The following EIPR1 variants were observed in gnomAD, a reference collection of about 807,000 sequenced individuals.
The protein encoded by EIPR1 is EARP and GARP complex-interacting protein 1.
A neutral mutation model predicts 48.1 loss-of-function variants in EIPR1; 25 were observed. That is an observed-to-expected ratio of 0.52 (90% confidence interval 0.38 to 0.73). The LOEUF is 0.73. Ranked by LOEUF, EIPR1 falls within the 30% of genes least tolerant of loss-of-function variation. EIPR1 has a pLI of 0.00. For missense variants in EIPR1, 415 were observed against 506.2 expected (o/e 0.82, Z 1.73); for synonymous variants, 204 against 201.9 (o/e 1.01, Z -0.09).
At chr2:3,253,504 G>A (rs1667064737) in intron 4 of EIPR1, among the ~76,000 whole-genome samples, 1 of 152,304 alleles carries the variant, frequency 6.6e-6, no homozygotes, top group East Asian at 1.9e-4. Flanking sequence ...GCTGAGCAAC[G>A]TCATCGCCGT....
Position 3,189,087 on chromosome 2 carries a change from T to C in EIPR1, c.*247A>G, listed in dbSNP as rs116175717. On this transcript the variant is annotated 3_prime_UTR_variant, in exon 9 of 9. Coordinates refer to ENST00000382125, the MANE Select transcript of EIPR1 (RefSeq NM_003310.5). The surrounding 1 kb of genome is among the most constrained non-coding windows in gnomAD (Gnocchi z 4.6). ...CCTGACACCCTTAAAACAGAAAACA[T>C]TGTTATTCACATAATAATGTGGGGC... The C allele has an allele frequency of 7.2e-5, 27 of 376,886 alleles. No individual in the cohort carries two copies. The highest frequency in any genetic ancestry group is 4.3e-4 in the African/African-American group (21 of 48,654). 23.3% of individuals were successfully genotyped at this position (376,886 alleles called of 1,614,324 possible).
chr2:3,323,632 A>G (rs1480953843), intron 3 of EIPR1, among the ~76,000 whole-genome samples: 1 of 152,180 alleles, frequency 6.6e-6, no homozygotes, highest in Non-Finnish European at 1.5e-5. Flanking sequence ...GAGTGCCTTT[A>G]AAGTCCCTTA....
chr2:3,304,287 G>A (rs1558285653), intron 3 of EIPR1, among the ~76,000 whole-genome samples: 1 of 152,182 alleles, frequency 6.6e-6, no homozygotes, highest in Admixed American at 6.5e-5. Context: ...AAAGTGTCCA[G>A]GGTTCCCAGC....
chr2:3,267,556 GC>G (rs1667528885), intron 3 of EIPR1, among the ~76,000 whole-genome samples: 1 of 152,228 alleles, frequency 6.6e-6, no homozygotes, highest in Admixed American at 6.5e-5. Context: ...AAGAATGCAG[GC>G]CCTGGCTTCT....
chr2:3,262,104 A>ATG (rs1667351282), intron 3 of EIPR1: 1 of 152,174 alleles, frequency 6.6e-6, no homozygotes, highest in Non-Finnish European at 1.5e-5. Context: ...CAGGCACATG[A>ATG]TGTGTGTACA....
At chr2:3,273,878 A>G (rs539397717) in intron 3 of EIPR1, among the ~76,000 whole-genome samples, 1 of 152,342 alleles carries the variant, frequency 6.6e-6, no homozygotes, top group Non-Finnish European at 1.5e-5. Flanking sequence ...GAGCATTCCA[A>G]TGACTTCAGA....
At chr2:3,310,320 G>T (rs1187554927) in intron 3 of EIPR1, among the ~76,000 whole-genome samples, 4 of 152,108 alleles carry the variant, frequency 2.6e-5, no homozygotes, top group Admixed American at 2.0e-4. Context: ...TTTTCTTAGG[G>T]AGAGAAGAAA....
intron 4 of EIPR1, among the ~76,000 whole-genome samples, chr2:3,245,164 T>C (rs141846785): frequency 8.4e-5 from 12 of 142,988 alleles, no homozygotes; most frequent in African/African-American, 2.6e-4. Flanking sequence ...TTTTATTTTA[T>C]TTATTTTACT....
Position 3,189,265 on chromosome 2 carries a change from C to T in EIPR1, c.*69G>A. The stretch of plus-strand genomic sequence containing the variant: ...TGGAACACGAGTCACCTCCAAAGAG[C>T]TGCGACTGTTTGAGAATCTGCCAAG... On this transcript the variant is annotated 3_prime_UTR_variant, in exon 9 of 9. Transcript: ENST00000382125. The surrounding 1 kb of genome is among the most constrained non-coding windows in gnomAD (Gnocchi z 4.6). 7.0e-7 allele frequency: 1 copy of T among 1,423,276 alleles called. No homozygotes were observed. The highest frequency in any genetic ancestry group is 9.4e-7 in the Non-Finnish European group (1 of 1,068,084). The allele number at this position is 1,423,276 out of a possible 1,614,324, so 88.2% of individuals were successfully genotyped here. A position where few individuals can be genotyped will look rare whatever the true frequency, so the allele number is the denominator to read the frequency against.
intron 4 of EIPR1, among the ~76,000 whole-genome samples, chr2:3,237,994 A>T (rs1013162192): frequency 6.6e-6 from 1 of 152,118 alleles, no homozygotes; most frequent in Non-Finnish European, 1.5e-5. Flanking sequence ...AAACCTTCCA[A>T]ATGTGCAAAC....
At chr2:3,275,277 A>G (rs893479080) in intron 3 of EIPR1, among the ~76,000 whole-genome samples, 4 of 150,086 alleles carry the variant, frequency 2.7e-5, no homozygotes, top group African/African-American at 1.0e-4. Flanking sequence ...AATAGATCTG[A>G]GCAAAAGCAG....
chr2:3,337,116 AAAGGGAAAAGGGAAGGGAACAGGGAAGGG>A (rs370098415), intron 3 of EIPR1, among the ~76,000 whole-genome samples: 2 of 144,078 alleles, frequency 1.4e-5, no homozygotes, highest in African/African-American at 5.1e-5. Context: ...AGAGATGGGA[AAAGGGAAAAGGGAAGGGAACAGGGAAGGG>A]AAGGGAAAAG....
At chr2:3,234,699 G>A (rs777186786) in intron 4 of EIPR1, among the ~76,000 whole-genome samples, 5 of 152,248 alleles carry the variant, frequency 3.3e-5, no homozygotes, top group Admixed American at 1.3e-4. Flanking sequence ...AATTACAAGC[G>A]GCAGCATTCA....
Position 3,338,041 on chromosome 2 carries a change from C to T in EIPR1, c.235G>A (p.Val79Met), listed in dbSNP as rs759289577. The T allele has an allele frequency of 1.2e-6, 2 of 1,605,750 alleles. No individual in the cohort carries two copies. The highest frequency in any genetic ancestry group is 1.3e-5 in the African/African-American group (1 of 74,410). Residue 79 changes from valine (V) to methionine (M), a missense_variant, in exon 3 of 9, where the codon GTG becomes ATG. Coordinates refer to ENST00000382125, the MANE Select transcript of EIPR1 (RefSeq NM_003310.5). ...HISASPADRG[V>M]LTTCYNRTSD... ...CTTCTGTTGTAGCAGGTCGTCAGCA[C>T]ACCTCTGTCTGCAGGGCTAGCGCTA... is the stretch of plus-strand genomic sequence containing the variant.
chr2:3,354,026 G>A (rs1244039510), intron 2 of EIPR1, among the ~76,000 whole-genome samples: 1 of 152,146 alleles, frequency 6.6e-6, no homozygotes, highest in African/African-American at 2.4e-5. Flanking sequence ...TCAAGGTCAC[G>A]TGGTTACTGC....
At chr2:3,334,086 G>A (rs1026993338) in intron 3 of EIPR1, among the ~76,000 whole-genome samples, 1 of 152,182 alleles carries the variant, frequency 6.6e-6, no homozygotes, top group Non-Finnish European at 1.5e-5. Context: ...ACACACGTGG[G>A]TCTCCAAGTA....
At chr2:3,194,566 G>A (rs1664733896) in intron 6 of EIPR1, among the ~76,000 whole-genome samples, 2 of 152,040 alleles carry the variant, frequency 1.3e-5, no homozygotes. Context: ...AGTGAAGAAG[G>A]AAAAGAAAAA....
chr2:3,272,190 C>T (rs1293957899), intron 3 of EIPR1, among the ~76,000 whole-genome samples: 1 of 152,224 alleles, frequency 6.6e-6, no homozygotes, highest in African/African-American at 2.4e-5. Flanking sequence ...GAATGTTGTG[C>T]ATGATTTGGA....
intron 3 of EIPR1, among the ~76,000 whole-genome samples, chr2:3,317,097 AGGGCCTACT>A (rs1669329037): frequency 2.0e-5 from 3 of 151,350 alleles, no homozygotes; most frequent in East Asian, 2.0e-4. Flanking sequence ...GACCGAGCTG[AGGGCCTACT>A]GTGTGCCTTG....
Sources: allele counts gnomAD v4.1 joint callset (sites outside exome capture counted in the v4.1 genomes callset), GRCh38; gene constraint gnomAD v4.1.1; non-coding constraint Gnocchi (gnomAD v3.1); transcripts MANE v1.5; gene names NCBI Gene and HGNC (gene_info 2026-07-23, HGNC 2026-07-21).